Variants in PIGU observed in about 807,000 individuals in gnomAD.
The protein encoded by PIGU is phosphatidylinositol glycan anchor biosynthesis class U.
A neutral mutation model predicts 49.9 loss-of-function variants in PIGU; 24 were observed. The ratio of observed to expected loss-of-function variants is 0.48; its 90% CI spans 0.35 to 0.68. The LOEUF is 0.68. Among genes scored for constraint, PIGU ranks in the 30% least tolerant of loss-of-function variants. The pLI, the probability that PIGU is intolerant of heterozygous loss-of-function variation, is 0.01. For synonymous variants in PIGU, 220 were observed against 205.7 expected (o/e 1.07, Z -0.59); for missense variants, 490 against 532.6 (o/e 0.92, Z 0.79).
intron 1 of PIGU, among the ~76,000 whole-genome samples, chr20:34,659,475 G>A (rs1297745535): frequency 6.6e-6 from 1 of 151,910 alleles, no homozygotes; most frequent in African/African-American, 2.4e-5. Flanking sequence ...CGGGAGGTGA[G>A]GGGCGCCTCT....
chr20:34,660,547 T>G (rs1986899602), intron 1 of PIGU, among the ~76,000 whole-genome samples: 1 of 152,196 alleles, frequency 6.6e-6, no homozygotes, highest in Non-Finnish European at 1.5e-5. Context: ...ATTGTGCCAC[T>G]GCACTCCAGC....
At position 34,677,059 on chromosome 20, in the gene PIGU, C is replaced by G; in HGVS notation, c.27G>C (p.Leu9=). Residue 9 remains leucine (L), a synonymous_variant, in exon 1 of 12, where the codon CTG becomes CTC. Transcript: ENST00000217446. ...CCGCCCGCACTGTCACAGCCACCAC[C>G]AGCACCAGGACCAAGGGAGCCGCCA... MAAPLVLV[L]VVAVTVRAAL... The G allele has an allele frequency of 1.3e-6, 2 of 1,570,688 alleles. No homozygotes were observed. Among genetic ancestry groups the G allele is most frequent in the South Asian group, 2.3e-5 (2 of 85,674 alleles).
intron 6 of PIGU, among the ~76,000 whole-genome samples, chr20:34,621,028 A>G (rs1419431193): frequency 6.6e-6 from 1 of 152,076 alleles, no homozygotes; most frequent in East Asian, 1.9e-4. Context: ...TGACTCCGGT[A>G]CCCACTCTTA....
intron 7 of PIGU, among the ~76,000 whole-genome samples, chr20:34,607,370 GA>G (rs973524662): frequency 1.3e-5 from 2 of 152,312 alleles, no homozygotes; most frequent in South Asian, 2.1e-4. Flanking sequence ...ACTGGCAGTG[GA>G]GTGGCAGAGA....
At chr20:34,564,269 G>A (rs1032100088) in intron 11 of PIGU, among the ~76,000 whole-genome samples, 23 of 152,190 alleles carry the variant, frequency 1.5e-4, no homozygotes, top group Non-Finnish European at 3.4e-4. Flanking sequence ...AATATAAGAT[G>A]TTAACAACTT....
intron 6 of PIGU, among the ~76,000 whole-genome samples, chr20:34,624,174 G>A (rs940001546): frequency 6.6e-5 from 10 of 151,972 alleles, no homozygotes; most frequent in Non-Finnish European, 1.0e-4. Context: ...TCCTGGGCTC[G>A]AGTGATCTGA....
At chr20:34,650,646 AT>A (rs960783700) in intron 2 of PIGU, among the ~76,000 whole-genome samples, 6 of 65,646 alleles carry the variant, frequency 9.1e-5, no homozygotes, top group Admixed American at 1.4e-4. Flanking sequence ...TTTATTGTCT[AT>A]TTTTTTCTGT....
intron 11 of PIGU, among the ~76,000 whole-genome samples, chr20:34,568,956 T>A (rs1721732322): frequency 6.6e-6 from 1 of 152,094 alleles, no homozygotes; most frequent in African/African-American, 2.4e-5. Context: ...ACACCTGTAA[T>A]CCCAGCACTT....
At chr20:34,590,761 G>A (rs1568629399) in intron 7 of PIGU, among the ~76,000 whole-genome samples, 1 of 151,806 alleles carries the variant, frequency 6.6e-6, no homozygotes, top group Non-Finnish European at 1.5e-5. Flanking sequence ...GGTAGCTCAT[G>A]CCTGTAATCC....
intron 8 of PIGU, 141 bp from the exon 9 acceptor site, chr20:34,585,721 G>T: frequency 1.2e-6 from 1 of 827,560 alleles, no homozygotes; most frequent in Non-Finnish European, 1.9e-6. Flanking sequence ...GATGGGAAGG[G>T]CTCTCTAGGT....
At chr20:34,631,765 A>T (rs866434525) in intron 6 of PIGU, among the ~76,000 whole-genome samples, 5 of 4,166 alleles carry the variant, frequency 1.2e-3, no homozygotes, top group African/African-American at 7.0e-3. Context: ...ATATATATAT[A>T]TATATATATA....
At chr20:34,572,386 C>T (rs1297860844) in intron 11 of PIGU, among the ~76,000 whole-genome samples, 1 of 151,970 alleles carries the variant, frequency 6.6e-6, no homozygotes, top group African/African-American at 2.4e-5. Flanking sequence ...GTGGCTCACA[C>T]CTGTAATCGC....
Position 34,657,228 on chromosome 20 carries a change from T to C in PIGU, c.147A>G (p.Ser49=), listed in dbSNP as rs1367672968. The change falls in exon 2 of 12, where the codon TCA becomes TCG. Residue 49 remains serine, a synonymous_variant. Coordinates refer to ENST00000217446, the MANE Select transcript of PIGU (RefSeq NM_080476.5). ...SSWKRVVEGL[S]LLDLGVSPYS... is the part of the protein sequence containing the mutation. ...ACGGAGATACTCCCAAGTCCAACAG[T>C]GAAAGGCCTTCAACCACTGAAAAAT... The C allele has an allele frequency of 1.9e-6, 3 of 1,612,676 alleles. No individual in the cohort carries two copies. Among genetic ancestry groups the C allele is most frequent in the African/African-American group, 1.3e-5 (1 of 74,872 alleles).
intron 1 of PIGU, 145 bp downstream of exon 1, chr20:34,676,806 CTCAGG>C: frequency 1.7e-6 from 2 of 1,149,076 alleles, no homozygotes; most frequent in Non-Finnish European, 2.5e-6. Flanking sequence ...CAGCCCCGCC[CTCAGG>C]CCCCGCCCTC....
Position 34,608,637 on chromosome 20 carries a change from G to A in PIGU, c.627+7405C>T, listed in dbSNP as rs567364247. ...ACAGAGGGCTTGAAAAAAACTCAGA[G>A]AAAAAGATAATGTCAAGAGCAGATG... is the stretch of plus-strand genomic sequence containing the variant. On this transcript the variant is annotated intron_variant, in intron 7 of 11. Coordinates refer to ENST00000217446, the MANE Select transcript of PIGU (RefSeq NM_080476.5). 2.3e-3 allele frequency among the ~76,000 whole-genome samples: 346 copies of A among 152,182 alleles called. 2 individuals carry two copies. Among genetic ancestry groups the A allele is most frequent in the Non-Finnish European group, 3.2e-3 (220 of 68,014 alleles).
intron 9 of PIGU, among the ~76,000 whole-genome samples, chr20:34,583,102 C>T (rs530895713): frequency 1.4e-4 from 22 of 152,236 alleles, no homozygotes; most frequent in Non-Finnish European, 3.1e-4. Flanking sequence ...CTGAGATGTG[C>T]AGACAAACAT....
intron 6 of PIGU, among the ~76,000 whole-genome samples, chr20:34,619,114 AAG>A (rs1985114137): frequency 6.6e-6 from 1 of 152,210 alleles, no homozygotes; most frequent in African/African-American, 2.4e-5. Context: ...GAGGCAGAGA[AAG>A]AGAGAAGCTA....
chr20:34,581,679 C>T lies in PIGU; in HGVS notation c.927-7G>A, dbSNP rs766076163. On this transcript the variant is annotated splice_region_variant and splice_polypyrimidine_tract_variant and intron_variant, in intron 9 of 11. Coordinates refer to ENST00000217446, the MANE Select transcript of PIGU (RefSeq NM_080476.5). Reference sequence around the variant, plus strand: ...GAAGAAGATGGGGTGCTCCCTGGGGCAGGGCAGGGGAAAGAGAGAGAGAGA... The same window carrying T: ...GAAGAAGATGGGGTGCTCCCTGGGGTAGGGCAGGGGAAAGAGAGAGAGAGA... 19 of 1,596,304 alleles carry T rather than the reference C, an allele frequency of 1.2e-5. No homozygotes were observed.
intron 2 of PIGU, 150 bp from the exon 3 acceptor site, chr20:34,645,484 C>A: frequency 8.7e-7 from 1 of 1,148,894 alleles, no homozygotes; most frequent in Non-Finnish European, 1.1e-6. Context: ...GCCAGCTGGC[C>A]GGTGTGCTTA....
Sources: allele counts gnomAD v4.1 joint callset (sites outside exome capture counted in the v4.1 genomes callset), GRCh38; gene constraint gnomAD v4.1.1; transcripts MANE v1.5; gene names NCBI Gene and HGNC (gene_info 2026-07-23, HGNC 2026-07-21).